The following COL6A3 variants were observed in gnomAD, a reference collection of about 807,000 sequenced individuals.
COL6A3 encodes the protein collagen type VI alpha 3 chain.
COL6A3 carries 137 observed loss-of-function variants against 274.1 expected under a neutral mutation model. The observed-to-expected ratio is 0.50, with a 90% CI of 0.44 to 0.58. COL6A3 has a LOEUF of 0.58. Ranked by LOEUF, COL6A3 falls within the 20% of genes least tolerant of loss-of-function variation. The pLI, the probability that COL6A3 is intolerant of heterozygous loss-of-function variation, is 0.00. For synonymous variants in COL6A3, 1,650 were observed against 1,650.6 expected, an observed-to-expected ratio of 1.00 and a Z score of 0.01; for missense variants, 3,950 against 4,124.9, an observed-to-expected ratio of 0.96 and a Z score of 1.16.
intron 42 of COL6A3, chr2:237,332,938 A>C (rs1424901613): frequency 5.2e-6 from 1 of 193,168 alleles, no homozygotes; most frequent in Non-Finnish European, 1.1e-5. Context: ...CTGGGGTTCA[A>C]GCACATGAGA....
Position 237,350,168 on chromosome 2 carries a change from G to A in COL6A3, c.6858C>T (p.Asn2286=). 2 of 1,614,118 alleles carry A rather than the reference G, an allele frequency of 1.2e-6. No homozygotes were observed. The highest frequency in any genetic ancestry group is 1.1e-5 in the South Asian group (1 of 91,080). Residue 2286 remains asparagine, a synonymous_variant, in exon 28 of 44, where the codon AAC becomes AAT. Transcript: ENST00000295550. ...TTACCGTCTCCCCACGAGGGCCCCG[G>A]TTCCCGATTCCTCCTTTTGGTCCTG... The part of the protein sequence containing the change: ...GEPGPKGGIG[N]RGPRGETGDD...
rs143957530 is a variant in COL6A3 at position 237,330,563 on chromosome 2, G to A, written c.9328+2887C>T. On this transcript the variant is annotated intron_variant, in intron 42 of 43. Coordinates refer to ENST00000295550, the MANE Select transcript of COL6A3 (RefSeq NM_004369.4). ...TAATATTGTAAAGCTGGAATCCTGA[G>A]TGGTTGCTAACGATGCCCTAGGTAT... Among the ~76,000 whole-genome samples, 319 of 152,292 alleles carry A rather than the reference G, an allele frequency of 2.1e-3. 3 individuals carry two copies. Among genetic ancestry groups the A allele is most frequent in the Middle Eastern group, 6.8e-3 (2 of 292 alleles).
At chr2:237,337,751 T>C (rs1337021716) in intron 39 of COL6A3, among the ~76,000 whole-genome samples, 1 of 152,154 alleles carries the variant, frequency 6.6e-6, no homozygotes, top group African/African-American at 2.4e-5. Flanking sequence ...CAGCTAGCCC[T>C]CTGTTACATG....
intron 36 of COL6A3, 53 bp from the exon 37 acceptor site, chr2:237,342,214 C>A (rs2077002268): frequency 1.4e-6 from 2 of 1,386,838 alleles, no homozygotes; most frequent in Non-Finnish European, 2.0e-6. Context: ...TCAGTAATAT[C>A]TGAAAATATG....
chr2:237,410,300 CTT>C (rs552676030), intron 1 of COL6A3, among the ~76,000 whole-genome samples: 3 of 126,194 alleles, frequency 2.4e-5, no homozygotes, highest in Non-Finnish European at 3.4e-5. Context: ...AATTTCTTTT[CTT>C]TTTTTTTTTT....
intron 41 of COL6A3, among the ~76,000 whole-genome samples, chr2:237,334,192 G>A (rs535371724): frequency 1.3e-5 from 2 of 152,290 alleles, no homozygotes; most frequent in Non-Finnish European, 1.5e-5. Context: ...CCACCCCCGG[G>A]GCGGTGAGAC....
intron 4 of COL6A3, 84 bp from the exon 5 acceptor site, chr2:237,381,583 T>G (rs2078007890): frequency 8.8e-7 from 1 of 1,138,966 alleles, no homozygotes; most frequent in Non-Finnish European, 1.3e-6. Flanking sequence ...TAACTCCATT[T>G]AAAGGACACC....
intron 1 of COL6A3, among the ~76,000 whole-genome samples, chr2:237,397,811 A>G (rs977952739): frequency 1.3e-5 from 2 of 152,274 alleles, no homozygotes; most frequent in African/African-American, 4.8e-5. Flanking sequence ...TTGATTAAAC[A>G]TATAAATGAG....
At chr2:237,375,857 C>A (rs903384202) in intron 7 of COL6A3, among the ~76,000 whole-genome samples, 2 of 152,132 alleles carry the variant, frequency 1.3e-5, no homozygotes, top group Non-Finnish European at 2.9e-5. Context: ...TTGTTTTTGG[C>A]CACTAAATTT....
At chr2:237,386,044 T>C (rs1218880676) in intron 4 of COL6A3, among the ~76,000 whole-genome samples, 2 of 152,258 alleles carry the variant, frequency 1.3e-5, no homozygotes, top group African/African-American at 4.8e-5. Context: ...CATCACCTGG[T>C]CACAGTTCCA....
rs749270269 is a variant in COL6A3 at position 237,366,785 on chromosome 2, T to C, written c.5402A>G (p.Asn1801Ser). The change falls in exon 11 of 44, where the codon AAC (asparagine) becomes AGC (serine). Residue 1801 changes from asparagine to serine, a missense_variant. By Grantham distance (46) the Asn-to-Ser change is conservative (BLOSUM62 1). Around this residue, in one of 5 missense-constraint regions of COL6A3, gnomAD observed 632 missense variants for 623.4 expected, o/e 1.01. Transcript: ENST00000295550. The stretch of plus-strand genomic sequence containing the variant: ...GCTCAGTTCGGACAGCTCCTGGACG[T>C]TGCCCACGCGGAACGCTGTGGCGCT... ...SNSATAFRVG[N>S]VQELSELSEQ... 1 of 1,614,288 alleles carries C rather than the reference T, an allele frequency of 6.2e-7. No homozygotes were observed.
intron 42 of COL6A3, chr2:237,328,186 G>C (rs767042504): frequency 3.3e-5 from 5 of 152,332 alleles, no homozygotes; most frequent in Non-Finnish European, 7.3e-5. Context: ...ACAGAGAGGG[G>C]AAAGGCTGCC....
rs763661502 is a variant in COL6A3 at position 237,395,033 on chromosome 2, T to C, written c.263A>G (p.His88Arg). 2 of 1,614,228 alleles carry C rather than the reference T, an allele frequency of 1.2e-6. No homozygotes were observed. The highest frequency in any genetic ancestry group is 8.5e-7 in the Non-Finnish European group (1 of 1,180,044). The change falls in exon 3 of 44, where the codon CAT (histidine) becomes CGT (arginine). Residue 88 changes from histidine to arginine, a missense_variant. Physicochemically the swap from His to Arg is conservative, Grantham distance 29 (BLOSUM62 0). Transcript: ENST00000295550. Reference sequence around the variant, plus strand: ...ATACGTATTTAACAGGAACTCGGTATGTGGGTTTCCGTTGAACTGGACCAG... The same window carrying C: ...ATACGTATTTAACAGGAACTCGGTACGTGGGTTTCCGTTGAACTGGACCAG... ...FALVQFNGNP[H>R]TEFLLNTYRT...
In COL6A3 at chr2:237,372,173, C is replaced by T. The variant is rs535661345; in HGVS notation, c.3844G>A (p.Val1282Met). The change falls in exon 9 of 44, where the codon GTG (valine) becomes ATG (methionine). Residue 1282 changes from valine (V) to methionine (M), a missense_variant. Val to Met is a conservative substitution (Grantham distance 21). This residue lies in a region of COL6A3 where 1,934 missense variants were observed against 1,984.3 expected (regional missense o/e 0.97). Transcript: ENST00000295550. ...AVIQFSDDPKVEFLLNAHSSK... is the reference protein window; with the variant it reads ...AVIQFSDDPKMEFLLNAHSSK... ...GAATGGGCGTTCAGCAGGAACTCCACCTTGGGGTCATCGCTGAACTGGATG... is the reference window on the plus strand; with the variant it reads ...GAATGGGCGTTCAGCAGGAACTCCATCTTGGGGTCATCGCTGAACTGGATG... 125 of 1,614,158 alleles carry T rather than the reference C, an allele frequency of 7.7e-5. 1 individual carries two copies. The South Asian group carries it at 1.3e-3, about 17-fold the overall frequency.
chr2:237,334,494 T>G, intron 41 of COL6A3, 132 bp downstream of exon 41: 1 of 987,112 alleles, frequency 1.0e-6, no homozygotes. Flanking sequence ...GTTGTTTTGT[T>G]GTTGTTGCTG....
intron 22 of COL6A3, 141 bp downstream of exon 22, chr2:237,357,676 G>A (rs182638242): frequency 3.5e-4 from 316 of 910,694 alleles, no homozygotes; most frequent in Middle Eastern, 2.2e-3. Flanking sequence ...CTTCCTTCAC[G>A]GGGACTCTGC....
chr2:237,363,494 T>C, intron 13 of COL6A3, 96 bp from the exon 14 acceptor site: 1 of 1,398,600 alleles, frequency 7.2e-7, no homozygotes. Flanking sequence ...AACTTCAGTG[T>C]AAAATTTAGC....
intron 11 of COL6A3, 57 bp from the exon 12 acceptor site, chr2:237,366,092 T>C: frequency 6.7e-7 from 1 of 1,495,330 alleles, no homozygotes; most frequent in Non-Finnish European, 9.3e-7. Context: ...AGACGAACTC[T>C]ACTTATACCA....
intron 22 of COL6A3, 137 bp from the exon 23 acceptor site, chr2:237,357,528 G>C (rs1232730529): frequency 2.2e-6 from 2 of 890,176 alleles, no homozygotes; most frequent in East Asian, 4.8e-5. Flanking sequence ...TGCACACTTT[G>C]CAGGATGCAC....
Sources: gnomAD v4.1 joint callset for allele counts (sites outside exome capture counted in the v4.1 genomes callset) on GRCh38, gnomAD v4.1.1 for gene constraint, gnomAD v4.1.1 regional missense constraint, MANE v1.5 for transcripts, NCBI Gene and HGNC (gene_info 2026-07-23, HGNC 2026-07-21) for gene names.